Variants in JCAD observed in about 807,000 individuals in gnomAD.
The protein encoded by JCAD is junctional cadherin 5 associated.
Under a neutral mutation model 98.0 loss-of-function variants are expected in JCAD, and 40 were observed. The observed-to-expected ratio is 0.41, with a 90% CI of 0.32 to 0.53. The LOEUF (loss-of-function observed/expected upper bound fraction) is 0.53, where lower values mean the gene tolerates loss of function less well. Ranked by LOEUF, JCAD falls within the 20% of genes least tolerant of loss-of-function variation. JCAD has a pLI of 0.31. For synonymous variants in JCAD, 691 were observed against 682.3 expected, an observed-to-expected ratio of 1.01 and a Z score of -0.20; for missense variants, 1,705 against 1,738.1, an observed-to-expected ratio of 0.98 and a Z score of 0.34.
intron 1 of JCAD, among the ~76,000 whole-genome samples, chr10:30,096,784 A>T (rs1450010351): frequency 6.6e-6 from 1 of 152,156 alleles, no homozygotes; most frequent in Non-Finnish European, 1.5e-5. Context: ...CTTGTATTCT[A>T]TTTGGAGACA....
At chr10:30,077,832 T>A (rs1261036167) in intron 1 of JCAD, among the ~76,000 whole-genome samples, 2 of 152,386 alleles carry the variant, frequency 1.3e-5, no homozygotes, top group East Asian at 3.9e-4. Flanking sequence ...ACAAGAGTTT[T>A]CTCCACCTTT....
At position 30,028,327 on chromosome 10, in the gene JCAD, A is replaced by G. The variant is rs750514496; in HGVS notation, c.1821T>C (p.Ala607=). Residue 607 remains alanine (A), a synonymous_variant, in exon 3 of 4, where the codon GCT becomes GCC. Transcript: ENST00000375377. Reference sequence around the variant, plus strand: ...TCTTATCAGACCCATTCTTTTGATCAGCACTGGGCTTTAAGTCATTGTTGT... The same window carrying G: ...TCTTATCAGACCCATTCTTTTGATCGGCACTGGGCTTTAAGTCATTGTTGT... ...DMDNNDLKPS[A]DQKNGSDKSP... is the part of the protein sequence containing the mutation. 12 of 1,614,112 alleles carry G rather than the reference A, an allele frequency of 7.4e-6. No homozygotes were observed. Among genetic ancestry groups the G allele is most frequent in the Non-Finnish European group, 9.3e-6 (11 of 1,180,048 alleles).
intron 2 of JCAD, among the ~76,000 whole-genome samples, chr10:30,068,797 C>G (rs908882131): frequency 6.6e-6 from 1 of 152,182 alleles, no homozygotes; most frequent in African/African-American, 2.4e-5. Context: ...AGGGCTAGGT[C>G]CCAGACAACT....
At chr10:30,102,458 A>G (rs1379177421) in intron 1 of JCAD, among the ~76,000 whole-genome samples, 1 of 152,234 alleles carries the variant, frequency 6.6e-6, no homozygotes, top group Non-Finnish European at 1.5e-5. Flanking sequence ...GGCGTGAGCC[A>G]CTGCACCCAG....
chr10:30,047,979 C>T (rs532295229), intron 1 of JCAD, 108 bp from the exon 2 acceptor site: 2 of 620,056 alleles, frequency 3.2e-6, no homozygotes, highest in East Asian at 2.8e-5. Flanking sequence ...GCGATGGACA[C>T]AGCACAGAAC....
chr10:30,093,364 C>T (rs764241973), intron 1 of JCAD, among the ~76,000 whole-genome samples: 5 of 152,204 alleles, frequency 3.3e-5, no homozygotes, highest in African/African-American at 7.2e-5. Context: ...TCCACATATT[C>T]GTGTTGCTTA....
At chr10:30,072,658 C>CT (rs5784171) in intron 1 of JCAD, among the ~76,000 whole-genome samples, 40,177 of 146,960 alleles carry the variant, frequency 0.27, 5,607 homozygotes, top group African/African-American at 0.35. Flanking sequence ...TAAACAATTT[C>CT]TTTTTTTTTT....
chr10:30,063,905 C>T (rs1018038230), upstream of JCAD, among the ~76,000 whole-genome samples: 6 of 151,790 alleles, frequency 4.0e-5, no homozygotes, highest in Non-Finnish European at 7.4e-5. Context: ...CGTCAGGGTT[C>T]ATGCAATTCT....
Position 30,059,496 on chromosome 10 carries a change from A to AT in JCAD, c.-75dup, listed in dbSNP as rs1376165671. 6.6e-6 allele frequency: 1 copy of AT among 151,340 alleles called. No individual in the cohort carries two copies. The highest frequency in any genetic ancestry group is 1.5e-5 in the Non-Finnish European group (1 of 67,490). The allele number at this position is 151,340 out of a possible 1,614,324, so 9.4% of individuals were successfully genotyped here. On this transcript the variant is annotated 5_prime_UTR_variant, in exon 1 of 4. In the 5' UTR this introduces an upstream ATG that the reference lacks. Transcript: ENST00000375377. This position sits in a 1 kb window ranked among gnomAD's most constrained non-coding sequence, Gnocchi z 5.0. ...CCGGGACTTACCGAGCGGCTCCCTC[A>AT]TGCCGCCTCGCGCCGCCACCGCCGC...
chr10:30,026,044 G>T, intron 3 of JCAD, 59 bp downstream of exon 3: 1 of 1,589,834 alleles, frequency 6.3e-7, no homozygotes, highest in Non-Finnish European at 8.6e-7. Context: ...CTGGTATTTT[G>T]TACTGACTAA....
intron 3 of JCAD, among the ~76,000 whole-genome samples, chr10:30,019,357 C>CAAAAAAAA (rs58164754): frequency 3.2e-3 from 319 of 99,218 alleles, no homozygotes; most frequent in Middle Eastern, 5.0e-3. Context: ...AACTCTGTCT[C>CAAAAAAAA]AAAAAAAAAA....
intron 1 of JCAD, among the ~76,000 whole-genome samples, chr10:30,073,135 G>T (rs1351073663): frequency 3.3e-5 from 5 of 152,198 alleles, no homozygotes; most frequent in Non-Finnish European, 5.9e-5. Context: ...CAATTTCCCT[G>T]TTTATCAGGA....
intron 1 of JCAD, among the ~76,000 whole-genome samples, chr10:30,090,245 G>C (rs1040946459): frequency 3.9e-5 from 6 of 152,186 alleles, no homozygotes; most frequent in Admixed American, 3.9e-4. Context: ...TTTTTGAGAA[G>C]AAAATATTTG....
chr10:30,072,095 A>G (rs1247862710), intron 1 of JCAD, among the ~76,000 whole-genome samples: 1 of 151,440 alleles, frequency 6.6e-6, no homozygotes, highest in Admixed American at 6.6e-5. Context: ...TATTTGCAAT[A>G]CTATTCTGGA....
chr10:30,025,075 G>C (rs2132609158), intron 3 of JCAD, among the ~76,000 whole-genome samples: 1 of 152,190 alleles, frequency 6.6e-6, no homozygotes. Flanking sequence ...CAAAATTCTT[G>C]GGTTTCAAAA....
Position 30,055,107 on chromosome 10 carries a change from C to T in JCAD, c.-60+4375G>A, listed in dbSNP as rs148579212. Reference sequence around the variant, plus strand: ...ACATGTGCCTTATCTGCCAGAGAGACTCTTAACCTGTTTTCAGGAAGCCAA... The same window carrying T: ...ACATGTGCCTTATCTGCCAGAGAGATTCTTAACCTGTTTTCAGGAAGCCAA... On this transcript the variant is annotated intron_variant, in intron 1 of 3. Transcript: ENST00000375377. 2.5e-4 allele frequency among the ~76,000 whole-genome samples: 38 copies of T among 152,286 alleles called. No individual in the cohort carries two copies. The East Asian group carries it at 6.8e-3, about 27-fold the overall frequency.
chr10:30,055,139 A>G (rs1837543554), intron 1 of JCAD, among the ~76,000 whole-genome samples: 1 of 152,252 alleles, frequency 6.6e-6, no homozygotes, highest in South Asian at 2.1e-4. Context: ...CCAAAATCAC[A>G]TGTGCTGCTG....
chr10:30,090,573 G>A (rs1370265963), intron 1 of JCAD, among the ~76,000 whole-genome samples: 1 of 151,514 alleles, frequency 6.6e-6, no homozygotes, highest in African/African-American at 2.4e-5. Flanking sequence ...GAGAGGGGAG[G>A]GGAGGGGAGG....
intron 1 of JCAD, among the ~76,000 whole-genome samples, chr10:30,051,387 G>A (rs766020884): frequency 6.6e-6 from 1 of 151,720 alleles, no homozygotes; most frequent in African/African-American, 2.4e-5. Flanking sequence ...AATATGATTC[G>A]TTCTTGAATA....
Sources: allele counts gnomAD v4.1 joint callset (sites outside exome capture counted in the v4.1 genomes callset), GRCh38; gene constraint gnomAD v4.1.1; non-coding constraint Gnocchi (gnomAD v3.1); transcripts MANE v1.5; gene names NCBI Gene and HGNC (gene_info 2026-07-23, HGNC 2026-07-21).